CSMD1: variants seen among roughly 807,000 people sequenced by gnomAD.
CSMD1 encodes the protein CUB and Sushi multiple domains 1.
A neutral mutation model predicts 417.5 loss-of-function variants in CSMD1; 213 were observed. The observed-to-expected ratio is 0.51, with a 90% CI of 0.46 to 0.57. CSMD1 has a LOEUF of 0.57. Among genes scored for constraint, CSMD1 ranks in the 20% least tolerant of loss-of-function variants. The pLI, the probability that CSMD1 is intolerant of heterozygous loss-of-function variation, is 0.00. For synonymous variants in CSMD1, 2,862 were observed against 1,736.8 expected (o/e 1.65, Z -16.11); for missense variants, 6,923 against 4,529.7 (o/e 1.53, Z -15.17).
At chr8:4,399,349 T>C (rs1435222549) in intron 3 of CSMD1, among the ~76,000 whole-genome samples, 1 of 152,196 alleles carries the variant, frequency 6.6e-6, no homozygotes, top group Non-Finnish European at 1.5e-5. Context: ...TATAGTGAAG[T>C]ACTAAATTAC....
At chr8:4,821,536 C>T (rs1263067730) in intron 1 of CSMD1, among the ~76,000 whole-genome samples, 1 of 152,086 alleles carries the variant, frequency 6.6e-6, no homozygotes, top group Non-Finnish European at 1.5e-5. Flanking sequence ...CAGTACAACA[C>T]AAAGAAAACT....
intron 7 of CSMD1, among the ~76,000 whole-genome samples, chr8:3,630,804 T>G (rs1214788985): frequency 6.6e-6 from 1 of 152,192 alleles, no homozygotes; most frequent in Non-Finnish European, 1.5e-5. Flanking sequence ...CATCACGATT[T>G]GGAAGGTCAA....
chr8:4,231,779 G>C (rs1009759573), intron 3 of CSMD1, among the ~76,000 whole-genome samples: 11 of 152,270 alleles, frequency 7.2e-5, no homozygotes, highest in African/African-American at 2.4e-4. Flanking sequence ...CACAGCCTCA[G>C]TCCCCATACT....
At chr8:3,311,183 T>C (rs1321340936) in intron 23 of CSMD1, among the ~76,000 whole-genome samples, 1 of 152,204 alleles carries the variant, frequency 6.6e-6, no homozygotes, top group East Asian at 1.9e-4. Flanking sequence ...TGGAAAATCA[T>C]CTAGCACAAA....
chr8:4,061,425 C>T (rs1372948480), intron 3 of CSMD1, among the ~76,000 whole-genome samples: 1 of 152,218 alleles, frequency 6.6e-6, no homozygotes, highest in Non-Finnish European at 1.5e-5. Flanking sequence ...ACTCTTCCAA[C>T]CTGTGAAACT....
intron 18 of CSMD1, among the ~76,000 whole-genome samples, chr8:3,386,693 A>G (rs1478651807): frequency 6.6e-6 from 1 of 152,200 alleles, no homozygotes; most frequent in East Asian, 1.9e-4. Flanking sequence ...CATAGAAACA[A>G]TGTGTTTTGG....
chr8:4,467,688 G>C (rs368073947), intron 2 of CSMD1, among the ~76,000 whole-genome samples: 8 of 152,234 alleles, frequency 5.3e-5, no homozygotes, highest in African/African-American at 1.9e-4. Context: ...TGCAAATAGG[G>C]TTGGACAAGC....
chr8:4,263,195 A>G (rs1037624828), intron 3 of CSMD1, among the ~76,000 whole-genome samples: 8 of 150,786 alleles, frequency 5.3e-5, no homozygotes, highest in African/African-American at 1.9e-4. Context: ...AGTGCCGTGT[A>G]TTCTAGTATT....
intron 41 of CSMD1, among the ~76,000 whole-genome samples, chr8:3,119,632 G>C (rs1157617448): frequency 6.6e-5 from 10 of 152,102 alleles, no homozygotes; most frequent in Non-Finnish European, 1.5e-4. Context: ...TAATTTTAAA[G>C]CTAAATGAGC....
At chr8:3,518,094 A>G (rs1797356539) in intron 10 of CSMD1, among the ~76,000 whole-genome samples, 1 of 152,212 alleles carries the variant, frequency 6.6e-6, no homozygotes, top group African/African-American at 2.4e-5. Context: ...CTATAAAACA[A>G]TATGACTATA....
intron 3 of CSMD1, among the ~76,000 whole-genome samples, chr8:4,093,985 G>GATAC (rs1182433849): frequency 2.6e-5 from 4 of 151,660 alleles, no homozygotes; most frequent in Non-Finnish European, 2.9e-5. Flanking sequence ...TAGATAGATA[G>GATAC]ATAGATAGAT....
chr8:4,419,766 T>C (rs1797142217), intron 3 of CSMD1, among the ~76,000 whole-genome samples, 187 bp downstream of exon 3: 2 of 152,140 alleles, frequency 1.3e-5, no homozygotes, highest in Non-Finnish European at 2.9e-5. Flanking sequence ...GTGAACACGT[T>C]TTGGGCTGGA....
chr8:4,173,814 A>G (rs1018385883), intron 3 of CSMD1, among the ~76,000 whole-genome samples: 1 of 152,144 alleles, frequency 6.6e-6, no homozygotes, highest in African/African-American at 2.4e-5. Context: ...CGCTTGAGGA[A>G]CAATCTGATC....
chr8:4,698,209 A>C (rs1220155184), intron 1 of CSMD1, among the ~76,000 whole-genome samples: 1 of 151,658 alleles, frequency 6.6e-6, no homozygotes, highest in Non-Finnish European at 1.5e-5. Flanking sequence ...GTATTAATGT[A>C]ATTAAGTAAG....
chr8:4,848,049 A>G (rs760027664), intron 1 of CSMD1, among the ~76,000 whole-genome samples: 4 of 152,218 alleles, frequency 2.6e-5, no homozygotes, highest in Middle Eastern at 3.4e-3. Flanking sequence ...TGTTGGGGAC[A>G]TTTCCTATGA....
intron 2 of CSMD1, among the ~76,000 whole-genome samples, chr8:4,610,542 G>T (rs1585327139): frequency 6.6e-6 from 1 of 152,268 alleles, no homozygotes; most frequent in East Asian, 1.9e-4. Context: ...TACCCCAGGA[G>T]GTATCATGTT....
chr8:4,335,859 G>A (rs1020850524), intron 3 of CSMD1, among the ~76,000 whole-genome samples: 5 of 152,058 alleles, frequency 3.3e-5, no homozygotes, highest in East Asian at 1.9e-4. Context: ...AAGCTGGGGA[G>A]AACAGGGGGA....
intron 2 of CSMD1, among the ~76,000 whole-genome samples, chr8:4,532,325 C>T (rs1282051130): frequency 6.6e-6 from 1 of 150,816 alleles, no homozygotes; most frequent in Admixed American, 6.6e-5. Flanking sequence ...AATCCTGCAC[C>T]TCCATTCAGT....
chr8:3,789,900 T>A (rs1799641041), intron 5 of CSMD1, among the ~76,000 whole-genome samples: 1 of 151,822 alleles, frequency 6.6e-6, no homozygotes, highest in South Asian at 2.1e-4. Flanking sequence ...CCTGGCTAAT[T>A]TTTTGTATTT....
Sources: allele counts gnomAD v4.1 joint callset (sites outside exome capture counted in the v4.1 genomes callset), GRCh38; gene constraint gnomAD v4.1.1; transcripts MANE v1.5; gene names NCBI Gene and HGNC (gene_info 2026-07-23, HGNC 2026-07-21).